TRPC4: variants seen among roughly 807,000 people sequenced by gnomAD.
TRPC4 encodes transient receptor potential cation channel subfamily C member 4, also known as short transient receptor potential channel 4.
A neutral mutation model predicts 99.4 loss-of-function variants in TRPC4; 49 were observed. That is an observed-to-expected ratio of 0.49 (90% CI 0.39 to 0.63). The LOEUF (loss-of-function observed/expected upper bound fraction) is 0.63, where lower values mean the gene tolerates loss of function less well. Ranked by LOEUF, TRPC4 falls within the 20% of genes least tolerant of loss-of-function variation. The pLI, the probability that TRPC4 is intolerant of heterozygous loss-of-function variation, is 0.00. For missense variants in TRPC4, 898 were observed against 1,152.9 expected (o/e 0.78, Z 3.20); for synonymous variants, 454 against 425.9 (o/e 1.07, Z -0.81).
intron 1 of TRPC4, among the ~76,000 whole-genome samples, chr13:37,861,766 G>T (rs1281975937): frequency 6.6e-6 from 1 of 151,396 alleles, no homozygotes; most frequent in Non-Finnish European, 1.5e-5. Context: ...AGCAAATAAC[G>T]CTTTCCCCAG....
intron 2 of TRPC4, among the ~76,000 whole-genome samples, chr13:37,748,303 A>G (rs550030554): frequency 1.3e-5 from 2 of 152,296 alleles, no homozygotes; most frequent in East Asian, 1.9e-4. Flanking sequence ...TGTTTAAGTG[A>G]CATGTAATTT....
intron 3 of TRPC4, among the ~76,000 whole-genome samples, chr13:37,703,863 A>T (rs1342610238): frequency 6.6e-6 from 1 of 152,076 alleles, no homozygotes; most frequent in Non-Finnish European, 1.5e-5. Flanking sequence ...AGAAAATAAA[A>T]AAGAAAATAG....
chr13:37,646,535 C>A (rs189879072), intron 8 of TRPC4, among the ~76,000 whole-genome samples: 5 of 152,072 alleles, frequency 3.3e-5, no homozygotes, highest in Non-Finnish European at 7.4e-5. Flanking sequence ...CAGCATGAAG[C>A]CTGGCTTCGT....
At chr13:37,666,939 C>CG (rs1305721485) in intron 5 of TRPC4, among the ~76,000 whole-genome samples, 3 of 112,850 alleles carry the variant, frequency 2.7e-5, no homozygotes, top group African/African-American at 9.2e-5. Flanking sequence ...GACTTCTCAC[C>CG]TAACAGCCCT....
intron 5 of TRPC4, among the ~76,000 whole-genome samples, chr13:37,671,770 C>A (rs1800686671): frequency 6.6e-6 from 1 of 152,052 alleles, no homozygotes; most frequent in Admixed American, 6.6e-5. Flanking sequence ...GAAAGGAGCA[C>A]CAAAAATGTG....
At chr13:37,778,649 TA>T (rs1593720807) in intron 2 of TRPC4, among the ~76,000 whole-genome samples, 1 of 152,100 alleles carries the variant, frequency 6.6e-6, no homozygotes, top group East Asian at 2.0e-4. Flanking sequence ...AGTAGAACTT[TA>T]AAACCAAAAT....
chr13:37,674,773 A>C (rs1281901126), intron 4 of TRPC4, among the ~76,000 whole-genome samples: 1 of 152,202 alleles, frequency 6.6e-6, no homozygotes, highest in East Asian at 1.9e-4. Context: ...AGCAATCATA[A>C]CTGGTTTCAG....
At chr13:37,770,555 G>A (rs971914700) in intron 2 of TRPC4, among the ~76,000 whole-genome samples, 12 of 151,586 alleles carry the variant, frequency 7.9e-5, no homozygotes, top group African/African-American at 2.9e-4. Context: ...TAGCATAAAA[G>A]CACCAAATGG....
chr13:37,829,455 A>C (rs972699889), intron 1 of TRPC4, among the ~76,000 whole-genome samples: 2 of 152,204 alleles, frequency 1.3e-5, no homozygotes, highest in Non-Finnish European at 2.9e-5. Context: ...AAACAAAAAC[A>C]AAAAGAAAAC....
chr13:37,711,537 C>T (rs1022233891), intron 3 of TRPC4, among the ~76,000 whole-genome samples: 5 of 151,780 alleles, frequency 3.3e-5, no homozygotes, highest in African/African-American at 1.2e-4. Context: ...AAATGAATCA[C>T]CAAAATGTGA....
chr13:37,831,737 A>T (rs1162221678), intron 1 of TRPC4, among the ~76,000 whole-genome samples: 1 of 152,248 alleles, frequency 6.6e-6, no homozygotes, highest in African/African-American at 2.4e-5. Flanking sequence ...TTGTGACAAC[A>T]TAGATGTATA....
At chr13:37,843,556 A>G (rs80198535) in intron 1 of TRPC4, among the ~76,000 whole-genome samples, 3,389 of 152,244 alleles carry the variant, frequency 0.022, 114 homozygotes, top group African/African-American at 0.077. Flanking sequence ...TTCTTTACAA[A>G]ATACTCAAGA....
chr13:37,860,224 C>A (rs989643094), intron 1 of TRPC4, among the ~76,000 whole-genome samples: 4 of 151,184 alleles, frequency 2.6e-5, no homozygotes, highest in Non-Finnish European at 5.9e-5. Context: ...AGTAATATAT[C>A]AAGTATTTTG....
chr13:37,823,906 A>G (rs1198994587), intron 1 of TRPC4, among the ~76,000 whole-genome samples: 2 of 150,042 alleles, frequency 1.3e-5, no homozygotes, highest in East Asian at 4.0e-4. Context: ...ACTCATGAGC[A>G]TGGAATGTTC....
At chr13:37,669,614 AAATACTGC>A (rs972380161) in intron 5 of TRPC4, among the ~76,000 whole-genome samples, 135 of 152,338 alleles carry the variant, frequency 8.9e-4, no homozygotes, top group African/African-American at 3.2e-3. Flanking sequence ...AATTGAGAGC[AAATACTGC>A]GTTTTTATAT....
intron 1 of TRPC4, among the ~76,000 whole-genome samples, chr13:37,791,580 T>C (rs1203492400): frequency 9.9e-5 from 15 of 152,116 alleles, no homozygotes; most frequent in Admixed American, 6.6e-5. Context: ...GGCAATACCA[T>C]GGTGAATGAG....
intron 1 of TRPC4, among the ~76,000 whole-genome samples, chr13:37,826,938 A>G (rs1288628775): frequency 6.6e-6 from 1 of 151,852 alleles, no homozygotes; most frequent in Non-Finnish European, 1.5e-5. Flanking sequence ...GTCTTTTCAC[A>G]TAGTCCCATA....
chr13:37,704,738 A>G (rs1250437214), intron 3 of TRPC4, among the ~76,000 whole-genome samples: 1 of 152,182 alleles, frequency 6.6e-6, no homozygotes, highest in Non-Finnish European at 1.5e-5. Context: ...TTTGTTGCCA[A>G]TATTATCAAG....
intron 1 of TRPC4, among the ~76,000 whole-genome samples, chr13:37,785,455 C>T (rs1956944548): frequency 6.6e-6 from 1 of 151,988 alleles, no homozygotes; most frequent in Admixed American, 6.6e-5. Context: ...TATCTCAGTT[C>T]TTTCTTATCC....
Sources: allele counts gnomAD v4.1 joint callset (sites outside exome capture counted in the v4.1 genomes callset), GRCh38; gene constraint gnomAD v4.1.1; transcripts MANE v1.5; gene names NCBI Gene and HGNC (gene_info 2026-07-23, HGNC 2026-07-21).